Variants in EFR3B observed in about 807,000 individuals in gnomAD.
EFR3B encodes the protein EFR3 homolog B, also known as protein EFR3 homolog B.
Under a neutral mutation model 104.7 loss-of-function variants are expected in EFR3B, and 64 were observed. That is an observed-to-expected ratio of 0.61 (90% CI 0.50 to 0.75). EFR3B has a LOEUF of 0.75. EFR3B is among the 30% of genes least tolerant of loss of function. EFR3B has a pLI of 0.00. For missense variants in EFR3B, 750 were observed against 1,078.5 expected, an observed-to-expected ratio of 0.70 and a Z score of 4.27; for synonymous variants, 385 against 417.9, an observed-to-expected ratio of 0.92 and a Z score of 0.96.
At chr2:25,065,833 C>G (rs1018302094) in intron 1 of EFR3B, among the ~76,000 whole-genome samples, 3 of 152,172 alleles carry the variant, frequency 2.0e-5, no homozygotes, top group African/African-American at 7.2e-5. Context: ...GTCACACACT[C>G]ACCCAGTGTG....
In EFR3B at chr2:25,053,987, T is replaced by C. The variant is rs116420034; in HGVS notation, c.7+11668T>C. Among the ~76,000 whole-genome samples, 390 of 152,324 alleles carry C rather than the reference T, an allele frequency of 2.6e-3. 1 individual carries two copies. Among genetic ancestry groups the C allele is most frequent in the Middle Eastern group, 0.01 (3 of 294 alleles). ...AGGTCTAAGCAGCAATTGGTGCTTC[T>C]AAGAGGTGGACCTGGGACCGGGCTG... On this transcript the variant is annotated intron_variant, in intron 1 of 22. Coordinates refer to ENST00000403714, the MANE Select transcript of EFR3B (RefSeq NM_014971.2).
At chr2:25,068,831 G>T (rs1300785702) in intron 1 of EFR3B, among the ~76,000 whole-genome samples, 1 of 151,310 alleles carries the variant, frequency 6.6e-6, no homozygotes, top group Non-Finnish European at 1.5e-5. Context: ...GGGTTTCACC[G>T]TGTTAGCCAG....
chr2:25,061,498 CTT>C (rs992372153), intron 1 of EFR3B, among the ~76,000 whole-genome samples: 1 of 146,104 alleles, frequency 6.8e-6, no homozygotes. Flanking sequence ...GCTTTATTTA[CTT>C]TTTTTTTTTC....
Position 25,151,926 on chromosome 2 carries a change from C to T in EFR3B, c.2204C>T (p.Ala735Val), listed in dbSNP as rs1671020124. The T allele has an allele frequency of 6.4e-7, 1 of 1,551,732 alleles. No individual in the cohort carries two copies. The highest frequency in any genetic ancestry group is 1.2e-5 in the South Asian group (1 of 84,058). The change falls in exon 21 of 23, where the codon GCA becomes GTA. Residue 735 changes from alanine to valine, a missense_variant. Physicochemically the swap from Ala to Val is moderately conservative, Grantham distance 64. Transcript: ENST00000403714. Reference sequence around the variant, plus strand: ...CTCTGTGTCGAAGTGGACAGCGTAGCAGTGGAGGAGCAGGAGCGTGAGCGG... The same window carrying T: ...CTCTGTGTCGAAGTGGACAGCGTAGTAGTGGAGGAGCAGGAGCGTGAGCGG... ...TLKKAIVDSV[A>V]VEEQERERRR...
chr2:25,137,472 G>A lies in EFR3B; in HGVS notation c.1692G>A (p.Val564=), dbSNP rs1670548982. ...AGCTGGCTAACGAGGAGGTGGTGGTGGACCTCATCCGTCTGGTGCTGGCTG... is the reference window on the plus strand; with the variant it reads ...AGCTGGCTAACGAGGAGGTGGTGGTAGACCTCATCCGTCTGGTGCTGGCTG... ...SIELANEEVV[V]DLIRLVLAVQ... Residue 564 remains valine, a synonymous_variant, in exon 15 of 23, where the codon GTG becomes GTA. Transcript: ENST00000403714. The surrounding 1 kb of genome is among the most constrained non-coding windows in gnomAD (Gnocchi z 4.7). 2 of 1,551,746 alleles carry A rather than the reference G, an allele frequency of 1.3e-6. No individual in the cohort carries two copies. The highest frequency in any genetic ancestry group is 1.7e-6 in the Non-Finnish European group (2 of 1,147,000).
chr2:25,131,400 C>T lies in EFR3B; in HGVS notation c.882C>T (p.Leu294=), dbSNP rs756888073. ...ACTCACACCTGGTCATCCAGCAGCT[C>T]CTGGGCCACCTGGACGCCAACAGCC... ...PQHSHLVIQQ[L]LGHLDANSRS... Residue 294 remains leucine (L), a synonymous_variant, in exon 9 of 23, where the codon CTC becomes CTT. Transcript: ENST00000403714. The surrounding 1 kb of genome is among the most constrained non-coding windows in gnomAD (Gnocchi z 7.6). 6.4e-7 allele frequency: 1 copy of T among 1,550,926 alleles called. No homozygotes were observed.
rs374110287 is a variant in EFR3B, at chr2:25,048,295, T to A, written c.7+5976T>A. 1.6e-4 allele frequency among the ~76,000 whole-genome samples: 24 copies of A among 152,358 alleles called. No homozygotes were observed. The East Asian group carries it at 4.4e-3, about 28-fold the overall frequency. ...TCCCAAAGTGCTGGGATTACAGGCA[T>A]GAACTACCACAGCTGGCCTGGAATC... On this transcript the variant is annotated intron_variant, in intron 1 of 22. Coordinates refer to ENST00000403714, the MANE Select transcript of EFR3B (RefSeq NM_014971.2).
intron 4 of EFR3B, among the ~76,000 whole-genome samples, chr2:25,116,381 T>G (rs1249198890): frequency 6.6e-6 from 1 of 152,154 alleles, no homozygotes; most frequent in Non-Finnish European, 1.5e-5. Context: ...CCCAGCACTT[T>G]GGGAGGCCAA....
At chr2:25,152,955 G>A (rs555496097) in intron 21 of EFR3B, among the ~76,000 whole-genome samples, 4 of 152,200 alleles carry the variant, frequency 2.6e-5, no homozygotes, top group East Asian at 1.9e-4. Context: ...CACGGAACAC[G>A]TGCAGTCCCA....
intron 6 of EFR3B, among the ~76,000 whole-genome samples, chr2:25,128,738 C>T (rs1670236546): frequency 6.6e-6 from 1 of 151,688 alleles, no homozygotes; most frequent in African/African-American, 2.4e-5. Context: ...GCGGGCAGAT[C>T]ACGAGGTCAG....
At chr2:25,148,518 G>T (rs1441914026) in intron 19 of EFR3B, among the ~76,000 whole-genome samples, 1 of 151,808 alleles carries the variant, frequency 6.6e-6, no homozygotes. Context: ...GCCTCCCAAA[G>T]TGCTGTGATT....
chr2:25,123,366 A>C lies in EFR3B; in HGVS notation c.485+1572A>C, dbSNP rs368534951. Among the ~76,000 whole-genome samples, 6 of 151,912 alleles carry C rather than the reference A, an allele frequency of 3.9e-5. No individual in the cohort carries two copies. The South Asian group carries it at 8.3e-4, about 21-fold the overall frequency. On this transcript the variant is annotated intron_variant, in intron 5 of 22. Transcript: ENST00000403714. Reference sequence around the variant, plus strand: ...CGGAGTGAGACCCTGTCTCAAAAAAAAAAAAAACAATTAATCACAAAGAAA... The same window carrying C: ...CGGAGTGAGACCCTGTCTCAAAAAACAAAAAAACAATTAATCACAAAGAAA...
intron 3 of EFR3B, among the ~76,000 whole-genome samples, chr2:25,102,547 A>C (rs1272869670): frequency 2.0e-5 from 3 of 152,142 alleles, no homozygotes; most frequent in East Asian, 1.9e-4. Context: ...AAACCATCAG[A>C]TCTCATGAGA....
At chr2:25,087,464 C>T (rs547356264) in intron 1 of EFR3B, among the ~76,000 whole-genome samples, 110 of 151,096 alleles carry the variant, frequency 7.3e-4, no homozygotes, top group African/African-American at 2.5e-3. Flanking sequence ...CTTTTGACGG[C>T]GCCTTTTGAA....
At chr2:25,093,858 A>C (rs1669202904) in intron 3 of EFR3B, among the ~76,000 whole-genome samples, 1 of 152,262 alleles carries the variant, frequency 6.6e-6, no homozygotes, top group Non-Finnish European at 1.5e-5. Flanking sequence ...TCCATTAAAA[A>C]TACACTTAGG....
At chr2:25,069,775 C>A (rs952776683) in intron 1 of EFR3B, among the ~76,000 whole-genome samples, 1 of 152,230 alleles carries the variant, frequency 6.6e-6, no homozygotes, top group Non-Finnish European at 1.5e-5. Flanking sequence ...TGGCTCACTG[C>A]AACCTCTGCC....
intron 1 of EFR3B, among the ~76,000 whole-genome samples, chr2:25,089,567 C>A (rs1669055584): frequency 6.6e-6 from 1 of 152,098 alleles, no homozygotes; most frequent in Non-Finnish European, 1.5e-5. Context: ...AAAGACACAT[C>A]CTGGCAGCTG....
At chr2:25,109,445 C>A (rs973304965) in intron 4 of EFR3B, among the ~76,000 whole-genome samples, 1 of 152,160 alleles carries the variant, frequency 6.6e-6, no homozygotes, top group Non-Finnish European at 1.5e-5. Flanking sequence ...TGGTGCAGCG[C>A]CTTTGGAAAA....
intron 1 of EFR3B, among the ~76,000 whole-genome samples, chr2:25,059,581 G>GC (rs1413414869): frequency 2.7e-4 from 38 of 140,002 alleles, no homozygotes; most frequent in African/African-American, 9.1e-4. Flanking sequence ...GCGGGGGGGG[G>GC]GGGGGTGGAG....
Sources: allele counts gnomAD v4.1 joint callset (sites outside exome capture counted in the v4.1 genomes callset), GRCh38; gene constraint gnomAD v4.1.1; non-coding constraint Gnocchi (gnomAD v3.1); transcripts MANE v1.5; gene names NCBI Gene and HGNC (gene_info 2026-07-23, HGNC 2026-07-21).